CNTN5: variants seen among roughly 807,000 people sequenced by gnomAD.
CNTN5 encodes contactin 5.
In CNTN5, 77 loss-of-function variants were observed where a neutral mutation model predicts 129.1. The ratio of observed to expected loss-of-function variants is 0.60; its 90% confidence interval spans 0.50 to 0.72. The LOEUF (loss-of-function observed/expected upper bound fraction) is 0.72. Ranked by LOEUF, CNTN5 falls within the 30% of genes least tolerant of loss-of-function variation. The probability of loss-of-function intolerance (pLI) is 0.00; values close to 1 mark genes in which losing one functional copy is unlikely to be tolerated. For synonymous variants in CNTN5, 509 were observed against 465.6 expected (o/e 1.09, Z -1.20); for missense variants, 1,478 against 1,328.8 (o/e 1.11, Z -1.75).
intron 9 of CNTN5, among the ~76,000 whole-genome samples, chr11:100,047,913 C>A (rs1256843458): frequency 1.3e-5 from 2 of 152,062 alleles, no homozygotes; most frequent in Non-Finnish European, 2.9e-5. Flanking sequence ...GGGCAGATCA[C>A]CAAGTCAGGA....
chr11:100,018,647 T>C (rs1940958586), intron 9 of CNTN5, among the ~76,000 whole-genome samples: 2 of 151,986 alleles, frequency 1.3e-5, no homozygotes, highest in Non-Finnish European at 1.5e-5. Context: ...GAAGTCTTTA[T>C]ATGCACATAA....
At chr11:99,075,830 G>A (rs1440355741) in intron 1 of CNTN5, among the ~76,000 whole-genome samples, 5 of 152,154 alleles carry the variant, frequency 3.3e-5, no homozygotes, top group African/African-American at 1.2e-4. Flanking sequence ...CATGCGGGAA[G>A]TGTTTGTTTT....
chr11:99,573,860 C>A (rs997876062), intron 3 of CNTN5, among the ~76,000 whole-genome samples: 1 of 152,034 alleles, frequency 6.6e-6, no homozygotes, highest in Non-Finnish European at 1.5e-5. Flanking sequence ...ACATGTTCTT[C>A]TACCACCGTC....
intron 3 of CNTN5, among the ~76,000 whole-genome samples, chr11:99,744,534 A>G (rs560315999): frequency 9.6e-4 from 119 of 124,348 alleles, no homozygotes; most frequent in Non-Finnish European, 1.5e-3. Context: ...CCCCGTCTCT[A>G]CAAAAAGTTA....
chr11:100,248,262 AG>A (rs1326696645), intron 16 of CNTN5, among the ~76,000 whole-genome samples: 1 of 152,160 alleles, frequency 6.6e-6, no homozygotes, highest in Non-Finnish European at 1.5e-5. Context: ...CAGAAACAAC[AG>A]GGGTCAGGTA....
intron 2 of CNTN5, among the ~76,000 whole-genome samples, chr11:99,552,357 A>C (rs769177545): frequency 3.9e-5 from 6 of 152,100 alleles, no homozygotes; most frequent in Non-Finnish European, 7.3e-5. Flanking sequence ...AAAGATAAAC[A>C]AGACAAAAAT....
intron 1 of CNTN5, among the ~76,000 whole-genome samples, chr11:99,230,980 G>T (rs2135728462): frequency 6.6e-6 from 1 of 152,164 alleles, no homozygotes; most frequent in Non-Finnish European, 1.5e-5. Flanking sequence ...CAACAGATAG[G>T]ATTTTGTTTC....
chr11:99,442,619 G>A (rs767481947), intron 2 of CNTN5, among the ~76,000 whole-genome samples: 2 of 152,182 alleles, frequency 1.3e-5, no homozygotes, highest in Non-Finnish European at 2.9e-5. Flanking sequence ...ATGTATGCTT[G>A]TGAATACGCA....
intron 7 of CNTN5, among the ~76,000 whole-genome samples, chr11:99,923,747 C>A (rs1030195574): frequency 9.1e-6 from 1 of 109,856 alleles, no homozygotes; most frequent in Non-Finnish European, 1.9e-5. Flanking sequence ...TCTATCTAAT[C>A]TATCTGTCTG....
intron 8 of CNTN5, among the ~76,000 whole-genome samples, chr11:99,994,750 G>C (rs531720646): frequency 6.6e-6 from 1 of 152,314 alleles, no homozygotes; most frequent in Admixed American, 6.5e-5. Context: ...CTTCTAAACA[G>C]GATGCCTGGA....
At chr11:99,986,103 T>A (rs763707496) in intron 8 of CNTN5, among the ~76,000 whole-genome samples, 11 of 152,146 alleles carry the variant, frequency 7.2e-5, no homozygotes, top group Non-Finnish European at 1.3e-4. Flanking sequence ...TCTCATTCCT[T>A]TTATCAGTTC....
At chr11:99,488,373 A>G (rs928212696) in intron 2 of CNTN5, among the ~76,000 whole-genome samples, 3 of 151,894 alleles carry the variant, frequency 2.0e-5, no homozygotes, top group Non-Finnish European at 2.9e-5. Flanking sequence ...GGGTTTCACC[A>G]TGTTGGTCAG....
chr11:99,851,743 A>C (rs1258099768), intron 6 of CNTN5, among the ~76,000 whole-genome samples: 2 of 152,218 alleles, frequency 1.3e-5, no homozygotes, highest in African/African-American at 4.8e-5. Flanking sequence ...TCCTTGAAGC[A>C]GTTGATTAAA....
intron 1 of CNTN5, among the ~76,000 whole-genome samples, chr11:99,193,189 T>C: frequency 6.6e-6 from 1 of 152,152 alleles, no homozygotes; most frequent in East Asian, 1.9e-4. Flanking sequence ...TGACAGGGGA[T>C]AATATACAAA....
At chr11:99,713,959 A>G (rs1349486490) in intron 3 of CNTN5, among the ~76,000 whole-genome samples, 1 of 151,960 alleles carries the variant, frequency 6.6e-6, no homozygotes, top group East Asian at 1.9e-4. Context: ...TTTCGTGAGC[A>G]GAATGGGGAC....
intron 2 of CNTN5, among the ~76,000 whole-genome samples, chr11:99,522,757 A>AT (rs1201484091): frequency 1.3e-5 from 2 of 152,228 alleles, no homozygotes; most frequent in East Asian, 3.8e-4. Context: ...AGGAAAGCTC[A>AT]TATTTAAATA....
At chr11:99,154,440 C>T (rs1050391158) in intron 1 of CNTN5, among the ~76,000 whole-genome samples, 2 of 152,164 alleles carry the variant, frequency 1.3e-5, no homozygotes, top group African/African-American at 4.8e-5. Context: ...GCAGTGGCAG[C>T]CTGGCTAGGT....
intron 3 of CNTN5, among the ~76,000 whole-genome samples, chr11:99,632,392 C>T (rs1951392627): frequency 6.6e-6 from 1 of 151,980 alleles, no homozygotes; most frequent in Non-Finnish European, 1.5e-5. Flanking sequence ...TCATTTTTCC[C>T]ATTTCACAGC....
intron 3 of CNTN5, among the ~76,000 whole-genome samples, chr11:99,681,763 G>A (rs1004627203): frequency 6.6e-6 from 1 of 151,880 alleles, no homozygotes; most frequent in African/African-American, 2.4e-5. Flanking sequence ...TTCTAGAAAT[G>A]ATCCCTTAGA....
Sources: gnomAD v4.1 joint callset for allele counts (sites outside exome capture counted in the v4.1 genomes callset) on GRCh38, gnomAD v4.1.1 for gene constraint, MANE v1.5 for transcripts, NCBI Gene and HGNC (gene_info 2026-07-23, HGNC 2026-07-21) for gene names.